Variants in SUGCT observed in about 807,000 individuals in gnomAD.
SUGCT encodes succinyl-CoA:glutarate-CoA transferase.
SUGCT carries 41 observed loss-of-function variants against 55.0 expected under a neutral mutation model. The ratio of observed to expected loss-of-function variants is 0.74; its 90% CI spans 0.58 to 0.97. SUGCT has a LOEUF of 0.97. SUGCT is among the 50% of genes least tolerant of loss of function. The pLI is 0.00. For missense variants in SUGCT, 568 were observed against 547.8 expected (o/e 1.04, Z -0.37); for synonymous variants, 187 against 200.4 (o/e 0.93, Z 0.56).
In SUGCT at chr7:40,350,312, ATTTATTTAT is replaced by A. The variant is rs1270660705; in HGVS notation, c.816+33460_816+33468del. Among the ~76,000 whole-genome samples, 22 of 139,540 alleles carry A rather than the reference ATTTATTTAT, an allele frequency of 1.6e-4. No homozygotes were observed. In the East Asian group the frequency reaches 3.4e-3, roughly 22 times the overall value. The allele number at this position is 139,540 out of a possible 152,430, so 91.5% of individuals were successfully genotyped here. On this transcript the variant is annotated intron_variant, in intron 9 of 13. Transcript: ENST00000335693. Reference sequence around the variant, plus strand: ...TATTTATTTATTTATTTATTTATTTATTTATTTATTTATTTATTTTTAAGAGAGTCTCAC... The same window carrying A: ...TATTTATTTATTTATTTATTTATTTATTATTTATTTTTAAGAGAGTCTCAC...
intron 7 of SUGCT, among the ~76,000 whole-genome samples, chr7:40,262,495 C>CG (rs1284852436): frequency 1.6e-5 from 2 of 122,044 alleles, no homozygotes; most frequent in East Asian, 4.8e-4. Context: ...ACCGAAAATA[C>CG]AAAAAAAAAA....
chr7:40,587,500 A>C lies in SUGCT; in HGVS notation c.1089+91114A>C, dbSNP rs554343810. Among the ~76,000 whole-genome samples, 5 of 152,372 alleles carry C rather than the reference A, an allele frequency of 3.3e-5. No homozygotes were observed. The South Asian group carries it at 1.0e-3, about 32-fold the overall frequency. The stretch of plus-strand genomic sequence containing the variant: ...TAATAGAAAAATGATGTAGAAATTA[A>C]AAATTCATAAAAGTGATGTGTGTGT... On this transcript the variant is annotated intron_variant, in intron 12 of 13. Transcript: ENST00000335693.
intron 6 of SUGCT, among the ~76,000 whole-genome samples, chr7:40,227,010 G>T (rs1348821181): frequency 6.9e-6 from 1 of 144,370 alleles, no homozygotes; most frequent in Non-Finnish European, 1.5e-5. Flanking sequence ...AAAATTTAAA[G>T]TCACCTAAAG....
At chr7:40,948,445 GAT>G in the SUGCT span, among the ~76,000 whole-genome samples, 5 of 65,222 alleles carry the variant, frequency 7.7e-5, no homozygotes, top group African/African-American at 2.2e-4. Flanking sequence ...TGATGATGAT[GAT>G]GATGATGATG....
rs374604440 is a variant in SUGCT at position 40,545,837 on chromosome 7, C to A, written c.1089+49451C>A. 1.4e-4 allele frequency among the ~76,000 whole-genome samples: 21 copies of A among 152,262 alleles called. No individual in the cohort carries two copies. In the East Asian group the frequency reaches 3.7e-3, roughly 27 times the overall value. On this transcript the variant is annotated intron_variant, in intron 12 of 13. Coordinates refer to ENST00000335693, the MANE Select transcript of SUGCT (RefSeq NM_001193313.2). ...TTTGACTTTGGAAATACCCAGAGAA[C>A]TGTGTGATGGGGATGAAGATGGCAT...
chr7:40,673,177 A>C (rs1289538305), intron 12 of SUGCT, among the ~76,000 whole-genome samples: 1 of 152,140 alleles, frequency 6.6e-6, no homozygotes, highest in African/African-American at 2.4e-5. Flanking sequence ...TAAAATTTGG[A>C]ATCTCCATCC....
chr7:40,249,321 A>ATATCTATATATATATATATC (rs1790162786), intron 7 of SUGCT, among the ~76,000 whole-genome samples: 1 of 109,466 alleles, frequency 9.1e-6, no homozygotes, highest in Non-Finnish European at 1.8e-5. Flanking sequence ...AGCTATATAT[A>ATATCTATATATATATATATC]TATATATATA....
chr7:40,753,879 A>AT (rs1788132889), intron 13 of SUGCT, among the ~76,000 whole-genome samples: 1 of 152,208 alleles, frequency 6.6e-6, no homozygotes, highest in Non-Finnish European at 1.5e-5. Context: ...CATTTAGTAC[A>AT]TTGTTTCAAT....
the SUGCT span, among the ~76,000 whole-genome samples, chr7:40,884,483 T>A: frequency 6.6e-6 from 1 of 152,186 alleles, no homozygotes. Flanking sequence ...CTGGATGCCA[T>A]TATGATGAGG....
At chr7:40,325,291 T>C (rs1795972656) in intron 9 of SUGCT, among the ~76,000 whole-genome samples, 1 of 152,184 alleles carries the variant, frequency 6.6e-6, no homozygotes, top group African/African-American at 2.4e-5. Context: ...TGTGTGACTT[T>C]CTATTTATTT....
chr7:40,628,099 C>T (rs1251578386), intron 12 of SUGCT, among the ~76,000 whole-genome samples: 1 of 152,174 alleles, frequency 6.6e-6, no homozygotes, highest in Non-Finnish European at 1.5e-5. Context: ...GAAATCAACT[C>T]TAATTGGAAA....
intron 6 of SUGCT, among the ~76,000 whole-genome samples, chr7:40,226,741 C>T (rs1188407370): frequency 6.6e-6 from 1 of 151,678 alleles, no homozygotes. Context: ...GAATTTTTGC[C>T]CCAGACCCAT....
intron 6 of SUGCT, among the ~76,000 whole-genome samples, chr7:40,196,163 T>C (rs1786279456): frequency 1.3e-5 from 2 of 152,266 alleles, no homozygotes; most frequent in East Asian, 1.9e-4. Flanking sequence ...CTCTTATATA[T>C]GCATGTATGT....
At chr7:40,899,624 T>C in the SUGCT span, among the ~76,000 whole-genome samples, 7 of 151,842 alleles carry the variant, frequency 4.6e-5, no homozygotes, top group Non-Finnish European at 2.9e-5. Context: ...GCATACAATA[T>C]GGTTTTTATA....
At chr7:40,542,253 A>G (rs1583939076) in intron 12 of SUGCT, among the ~76,000 whole-genome samples, 2 of 152,316 alleles carry the variant, frequency 1.3e-5, no homozygotes, top group East Asian at 1.9e-4. Flanking sequence ...CGTCATCATC[A>G]TCATCATCAT....
intron 6 of SUGCT, among the ~76,000 whole-genome samples, chr7:40,215,584 C>T (rs899105248): frequency 4.6e-5 from 7 of 152,202 alleles, no homozygotes; most frequent in African/African-American, 7.2e-5. Flanking sequence ...GAGATTAGGC[C>T]GGGCATGGTG....
chr7:40,668,807 A>G (rs1801780551), intron 12 of SUGCT, among the ~76,000 whole-genome samples: 1 of 152,192 alleles, frequency 6.6e-6, no homozygotes, highest in African/African-American at 2.4e-5. Context: ...AAAATATTTT[A>G]GACAATAACT....
At chr7:40,180,902 A>G in intron 1 of SUGCT, 45 bp from the exon 2 acceptor site, 1 of 1,415,072 alleles carries the variant, frequency 7.1e-7, no homozygotes, top group Non-Finnish European at 1.0e-6. Context: ...AAATGTAAGA[A>G]AATTACTAAT....
chr7:40,605,359 A>G (rs940665238), intron 12 of SUGCT, among the ~76,000 whole-genome samples: 1 of 152,190 alleles, frequency 6.6e-6, no homozygotes, highest in Non-Finnish European at 1.5e-5. Flanking sequence ...ATGGACCCAC[A>G]CAAAGAATTA....
Sources: gnomAD v4.1 joint callset for allele counts (sites outside exome capture counted in the v4.1 genomes callset) on GRCh38, gnomAD v4.1.1 for gene constraint, MANE v1.5 for transcripts, NCBI Gene and HGNC (gene_info 2026-07-23, HGNC 2026-07-21) for gene names.